Variants in CHCHD6 observed in about 807,000 individuals in gnomAD.
The protein encoded by CHCHD6 is coiled-coil-helix-coiled-coil-helix domain containing 6, also known as MICOS complex subunit MIC25.
CHCHD6 carries 28 observed loss-of-function variants against 32.3 expected under a neutral mutation model. The observed-to-expected ratio is 0.87, with a 90% CI of 0.64 to 1.19. CHCHD6 has a LOEUF of 1.19. CHCHD6 is among the 50% of genes most tolerant of loss of function. The pLI, the probability that CHCHD6 is intolerant of heterozygous loss-of-function variation, is 0.00. For synonymous variants in CHCHD6, 122 were observed against 117.5 expected (o/e 1.04, Z -0.25); for missense variants, 333 against 307.0 (o/e 1.08, Z -0.63).
At chr3:126,813,068 C>A (rs1210897225) in intron 4 of CHCHD6, among the ~76,000 whole-genome samples, 1 of 152,148 alleles carries the variant, frequency 6.6e-6, no homozygotes, top group Non-Finnish European at 1.5e-5. Context: ...AATATAGAAT[C>A]AGAAAATTAG....
intron 6 of CHCHD6, chr3:126,949,396 A>G: frequency 4.4e-6 from 1 of 227,830 alleles, no homozygotes; most frequent in Non-Finnish European, 8.7e-6. Flanking sequence ...GAAAAAGGGA[A>G]GGCTGCACCA....
chr3:126,892,953 G>GTT lies in CHCHD6; in HGVS notation c.496-21726_496-21725dup, dbSNP rs765328567. Among the ~76,000 whole-genome samples the GTT allele has an allele frequency of 9.2e-5, 14 of 151,704 alleles. No homozygotes were observed. In the East Asian group the frequency reaches 2.3e-3, roughly 25 times the overall value. Reference sequence around the variant, plus strand: ...TTGTTTTTCTTTTTTTGTTGTTGTTGTTGTTTTGTTTTGTTTTGTTTTGTT... The same window carrying GTT: ...TTGTTTTTCTTTTTTTGTTGTTGTTGTTTTGTTTTGTTTTGTTTTGTTTTGTT... On this transcript the variant is annotated intron_variant, in intron 5 of 7. Transcript: ENST00000290913.
intron 1 of CHCHD6, among the ~76,000 whole-genome samples, chr3:126,723,095 T>G (rs1251136482): frequency 2.0e-5 from 3 of 152,216 alleles, no homozygotes; most frequent in Non-Finnish European, 2.9e-5. Flanking sequence ...GCACCCTTGT[T>G]GAAATCAACT....
intron 4 of CHCHD6, among the ~76,000 whole-genome samples, chr3:126,812,715 A>T (rs2107532259): frequency 6.6e-6 from 1 of 152,136 alleles, no homozygotes; most frequent in Middle Eastern, 3.4e-3. Context: ...TACAAGCATG[A>T]GCCACCGTGC....
chr3:126,818,320 C>G (rs1939997088), intron 4 of CHCHD6, among the ~76,000 whole-genome samples: 1 of 152,154 alleles, frequency 6.6e-6, no homozygotes, highest in African/African-American at 2.4e-5. Context: ...CAAGGCCGAG[C>G]CCAGTCCCTT....
chr3:126,744,126 T>A (rs1281840606), intron 4 of CHCHD6, among the ~76,000 whole-genome samples: 1 of 152,196 alleles, frequency 6.6e-6, no homozygotes, highest in Non-Finnish European at 1.5e-5. Context: ...ATATTTTCCT[T>A]TTCTCTCCTG....
At chr3:126,854,100 T>G (rs1324921872) in intron 5 of CHCHD6, among the ~76,000 whole-genome samples, 11 of 152,176 alleles carry the variant, frequency 7.2e-5, no homozygotes, top group Non-Finnish European at 1.0e-4. Flanking sequence ...TTTCCTCTTG[T>G]CATTCTCCCC....
chr3:126,932,563 C>T (rs528472778), intron 6 of CHCHD6, among the ~76,000 whole-genome samples: 154 of 152,342 alleles, frequency 1.0e-3, no homozygotes, highest in Non-Finnish European at 1.7e-3. Flanking sequence ...GCCCAGAGAA[C>T]GTCATCCTGA....
At chr3:126,788,185 A>G (rs1284548705) in intron 4 of CHCHD6, among the ~76,000 whole-genome samples, 2 of 152,140 alleles carry the variant, frequency 1.3e-5, no homozygotes, top group Admixed American at 6.5e-5. Flanking sequence ...CCACTTGATC[A>G]TGGTGGATAA....
chr3:126,706,505 A>G (rs145963889), intron 1 of CHCHD6, among the ~76,000 whole-genome samples: 1,809 of 152,262 alleles, frequency 0.012, 18 homozygotes, highest in Middle Eastern at 0.048. Flanking sequence ...CAGGGATGAT[A>G]GTGCCCCACT....
At chr3:126,822,057 A>G (rs533501467) in intron 4 of CHCHD6, among the ~76,000 whole-genome samples, 101 of 152,274 alleles carry the variant, frequency 6.6e-4, no homozygotes, top group Non-Finnish European at 1.1e-3. Flanking sequence ...AAAGGTTTTT[A>G]ATTTCGATGA....
intron 6 of CHCHD6, among the ~76,000 whole-genome samples, chr3:126,945,626 GGGGAGACTCAAGTC>G (rs2078625391): frequency 7.2e-6 from 1 of 139,064 alleles, no homozygotes; most frequent in African/African-American, 2.7e-5. Flanking sequence ...AGACTTGATG[GGGGAGACTCAAGTC>G]GGGAGACTCA....
intron 5 of CHCHD6, among the ~76,000 whole-genome samples, chr3:126,909,507 A>G (rs2078056027): frequency 6.6e-6 from 1 of 152,210 alleles, no homozygotes; most frequent in African/African-American, 2.4e-5. Flanking sequence ...GAAATATGAA[A>G]ACTGCTCGGG....
chr3:126,723,482 T>C (rs2107655360), intron 1 of CHCHD6, among the ~76,000 whole-genome samples: 1 of 152,326 alleles, frequency 6.6e-6, no homozygotes, highest in East Asian at 1.9e-4. Flanking sequence ...TGTATATGCA[T>C]ATATTCAAAT....
At chr3:126,765,909 G>T (rs1937351056) in intron 4 of CHCHD6, among the ~76,000 whole-genome samples, 1 of 152,218 alleles carries the variant, frequency 6.6e-6, no homozygotes, top group South Asian at 2.1e-4. Context: ...AGGCCAATCT[G>T]CAAGAAAAAG....
At chr3:126,812,043 G>A (rs1405441477) in intron 4 of CHCHD6, among the ~76,000 whole-genome samples, 6 of 151,810 alleles carry the variant, frequency 4.0e-5, no homozygotes, top group Non-Finnish European at 8.8e-5. Flanking sequence ...ATTAGAAGAG[G>A]AAAAACTCAG....
At chr3:126,939,778 A>G (rs992643747) in intron 6 of CHCHD6, among the ~76,000 whole-genome samples, 6 of 152,376 alleles carry the variant, frequency 3.9e-5, no homozygotes, top group East Asian at 1.9e-4. Flanking sequence ...CTGTTTTTGA[A>G]TCTCAGAGAT....
At chr3:126,868,342 G>A (rs930412335) in intron 5 of CHCHD6, among the ~76,000 whole-genome samples, 1 of 152,130 alleles carries the variant, frequency 6.6e-6, no homozygotes, top group Non-Finnish European at 1.5e-5. Context: ...TGCCAACAGG[G>A]GAGCCAGGCC....
Position 126,704,261 on chromosome 3 carries a change from C to T in CHCHD6, c.-52C>T. ...CTGGAAAGCGTTGTTGGCCCGGTTG[C>T]TCTGGAGCCGGGTCTCGGGTCTGGT... On this transcript the variant is annotated 5_prime_UTR_variant, in exon 1 of 8. Coordinates refer to ENST00000290913, the MANE Select transcript of CHCHD6 (RefSeq NM_032343.3). 1 of 1,478,844 alleles carries T rather than the reference C, an allele frequency of 6.8e-7. No homozygotes were observed. The allele number at this position is 1,478,844 out of a possible 1,614,324, so 91.6% of individuals were successfully genotyped here. A position where few individuals can be genotyped will look rare whatever the true frequency, so the allele number is the denominator to read the frequency against.
Sources: allele counts gnomAD v4.1 joint callset (sites outside exome capture counted in the v4.1 genomes callset), GRCh38; gene constraint gnomAD v4.1.1; transcripts MANE v1.5; gene names NCBI Gene and HGNC (gene_info 2026-07-23, HGNC 2026-07-21).